The following CSMD1 variants were observed in gnomAD, a reference collection of about 807,000 sequenced individuals.
CSMD1 encodes CUB and sushi domain-containing protein 1.
CSMD1 carries 213 observed loss-of-function variants against 417.5 expected under a neutral mutation model. The ratio of observed to expected loss-of-function variants is 0.51; its 90% CI spans 0.46 to 0.57. The LOEUF is 0.57. CSMD1 is among the 20% of genes least tolerant of loss of function. The pLI is 0.00. For missense variants in CSMD1, 6,923 were observed against 4,529.7 expected, an observed-to-expected ratio of 1.53 and a Z score of -15.17; for synonymous variants, 2,862 against 1,736.8, an observed-to-expected ratio of 1.65 and a Z score of -16.11.
At chr8:4,608,139 G>T (rs1014650940) in intron 2 of CSMD1, among the ~76,000 whole-genome samples, 2 of 152,308 alleles carry the variant, frequency 1.3e-5, no homozygotes, top group Middle Eastern at 3.4e-3. Context: ...ACAGGAAGAG[G>T]GAGGCATTAG....
At position 3,910,894 on chromosome 8, in the gene CSMD1, T is replaced by G. The variant is rs115226155; in HGVS notation, c.818+87009A>C. On this transcript the variant is annotated intron_variant, in intron 5 of 69. Transcript: ENST00000635120. ...ATTTCAAGAGAACTGGAAAAATAAGTGCTTCCTACACAGTATCTACACAGA... is the reference window on the plus strand; with the variant it reads ...ATTTCAAGAGAACTGGAAAAATAAGGGCTTCCTACACAGTATCTACACAGA... 1.8e-3 allele frequency among the ~76,000 whole-genome samples: 273 copies of G among 152,034 alleles called. 2 individuals are homozygous for G. The highest frequency in any genetic ancestry group is 6.2e-3 in the African/African-American group (259 of 41,460).
At chr8:3,797,659 C>T (rs1257463578) in intron 5 of CSMD1, among the ~76,000 whole-genome samples, 3 of 151,888 alleles carry the variant, frequency 2.0e-5, no homozygotes, top group Non-Finnish European at 4.4e-5. Context: ...TATAATTTAT[C>T]TCTCCAATTA....
At chr8:4,470,423 G>A (rs1302188484) in intron 2 of CSMD1, among the ~76,000 whole-genome samples, 6 of 152,190 alleles carry the variant, frequency 3.9e-5, no homozygotes, top group Admixed American at 6.5e-5. Flanking sequence ...TTTCTTCACA[G>A]AAGTGATAGT....
rs553917169 is a variant in CSMD1 at position 3,133,726 on chromosome 8, G to C, written c.6241+8739C>G. The stretch of plus-strand genomic sequence containing the variant: ...CAGGAGTGCCCAGCACCTCTCGCTG[G>C]CTCAGGACCTACAGGTTGGACTCAT... On this transcript the variant is annotated intron_variant, in intron 41 of 69. Transcript: ENST00000635120. 2.0e-5 allele frequency among the ~76,000 whole-genome samples: 3 copies of C among 152,278 alleles called. No individual in the cohort carries two copies. In the South Asian group the frequency reaches 6.2e-4, roughly 32 times the overall value.
At chr8:4,310,782 C>T (rs1221060816) in intron 3 of CSMD1, among the ~76,000 whole-genome samples, 3 of 152,104 alleles carry the variant, frequency 2.0e-5, no homozygotes, top group Non-Finnish European at 4.4e-5. Flanking sequence ...TACAGCCTTA[C>T]CAAAGGAAGA....
chr8:4,422,708 T>G (rs1797318093), intron 2 of CSMD1, among the ~76,000 whole-genome samples: 1 of 152,050 alleles, frequency 6.6e-6, no homozygotes, highest in Admixed American at 6.6e-5. Flanking sequence ...GACACTCTAA[T>G]ATCAAAACCA....
intron 10 of CSMD1, among the ~76,000 whole-genome samples, chr8:3,523,598 CAT>C (rs1445590281): frequency 3.3e-5 from 5 of 152,036 alleles, no homozygotes; most frequent in Admixed American, 3.3e-4. Context: ...CATATGCACA[CAT>C]GTGCATGTAC....
At chr8:3,407,173 G>C (rs996564823) in intron 14 of CSMD1, among the ~76,000 whole-genome samples, 1 of 78,764 alleles carries the variant, frequency 1.3e-5, no homozygotes, top group African/African-American at 5.9e-5. Flanking sequence ...ATGGAAGGAT[G>C]GATAATGGAA....
At chr8:4,162,647 T>A (rs868289242) in intron 3 of CSMD1, among the ~76,000 whole-genome samples, 1 of 152,186 alleles carries the variant, frequency 6.6e-6, no homozygotes. Context: ...TACACTGATA[T>A]GTCATGTAAC....
At chr8:4,233,193 A>C (rs1357959199) in intron 3 of CSMD1, among the ~76,000 whole-genome samples, 5 of 152,196 alleles carry the variant, frequency 3.3e-5, no homozygotes, top group South Asian at 2.1e-4. Context: ...TATTGAAAAC[A>C]TATCATTTTC....
At chr8:3,603,459 C>T (rs1801459893) in intron 8 of CSMD1, among the ~76,000 whole-genome samples, 1 of 152,088 alleles carries the variant, frequency 6.6e-6, no homozygotes, top group South Asian at 2.1e-4. Flanking sequence ...GACTGAGCGC[C>T]CAATCCCACT....
chr8:3,630,171 G>C (rs1215635148), intron 7 of CSMD1, among the ~76,000 whole-genome samples: 1 of 152,234 alleles, frequency 6.6e-6, no homozygotes, highest in African/African-American at 2.4e-5. Context: ...CTGAATGCCT[G>C]GTACAGGCAG....
At chr8:4,459,482 A>G (rs1413872285) in intron 2 of CSMD1, among the ~76,000 whole-genome samples, 1 of 152,236 alleles carries the variant, frequency 6.6e-6, no homozygotes. Flanking sequence ...AGGAAATTCA[A>G]ATCCAAGGTT....
intron 2 of CSMD1, among the ~76,000 whole-genome samples, chr8:4,470,939 G>C (rs902474677): frequency 3.3e-5 from 5 of 152,008 alleles, no homozygotes; most frequent in Admixed American, 2.6e-4. Context: ...GTATTTTTGG[G>C]ATTTCCCTCA....
At chr8:4,704,544 T>C (rs941774090) in intron 1 of CSMD1, among the ~76,000 whole-genome samples, 2 of 152,328 alleles carry the variant, frequency 1.3e-5, no homozygotes, top group East Asian at 1.9e-4. Context: ...TATACAGAAA[T>C]TGACTGCTTT....
intron 3 of CSMD1, among the ~76,000 whole-genome samples, chr8:4,410,598 A>G (rs1278431763): frequency 1.3e-5 from 2 of 152,058 alleles, no homozygotes; most frequent in African/African-American, 4.8e-5. Context: ...TTTGTTTTTC[A>G]TTTATCTGAA....
intron 1 of CSMD1, among the ~76,000 whole-genome samples, chr8:4,870,693 G>T (rs545645773): frequency 1.3e-5 from 2 of 152,266 alleles, no homozygotes; most frequent in South Asian, 2.1e-4. Context: ...GCAAAGGGAA[G>T]ATGTCACGGG....
chr8:3,714,561 C>CAAAAAACAAAA (rs1554519551), intron 6 of CSMD1, among the ~76,000 whole-genome samples: 1 of 70,554 alleles, frequency 1.4e-5, no homozygotes, highest in Non-Finnish European at 2.5e-5. Context: ...ATCTCTATCC[C>CAAAAAACAAAA]AAAAAAAAAA....
At chr8:4,310,472 C>A (rs1370521269) in intron 3 of CSMD1, among the ~76,000 whole-genome samples, 3 of 152,198 alleles carry the variant, frequency 2.0e-5, no homozygotes, top group East Asian at 3.9e-4. Flanking sequence ...CATGCGTTAT[C>A]TTTTATCTGC....
Sources: gnomAD v4.1 joint callset for allele counts (sites outside exome capture counted in the v4.1 genomes callset) on GRCh38, gnomAD v4.1.1 for gene constraint, MANE v1.5 for transcripts, NCBI Gene and HGNC (gene_info 2026-07-23, HGNC 2026-07-21) for gene names.